The following R3HDM1 variants were observed in gnomAD, a reference collection of about 807,000 sequenced individuals.
The protein encoded by R3HDM1 is R3H domain-containing protein 1.
In R3HDM1, 46 loss-of-function variants were observed where a neutral mutation model predicts 141.1. The observed-to-expected ratio is 0.33, with a 90% CI of 0.26 to 0.42. R3HDM1 has a LOEUF of 0.42. Among genes scored for constraint, R3HDM1 ranks in the 10% least tolerant of loss-of-function variants. The pLI, the probability that R3HDM1 is intolerant of heterozygous loss-of-function variation, is 1.00. For missense variants in R3HDM1, 1,184 were observed against 1,368.3 expected (o/e 0.87, Z 2.12); for synonymous variants, 435 against 472.9 (o/e 0.92, Z 1.04).
chr2:135,680,585 C>T (rs919323327), intron 21 of R3HDM1, among the ~76,000 whole-genome samples: 3 of 152,236 alleles, frequency 2.0e-5, no homozygotes, highest in African/African-American at 7.2e-5. Context: ...GCCTGGCCAA[C>T]ATGGTGAAAC....
At chr2:135,652,358 T>C (rs2065240219) in intron 18 of R3HDM1, among the ~76,000 whole-genome samples, 1 of 152,224 alleles carries the variant, frequency 6.6e-6, no homozygotes. Flanking sequence ...CTGGGCACAG[T>C]GGCTCACGCC....
At chr2:135,656,138 C>G (rs369610329) in intron 18 of R3HDM1, among the ~76,000 whole-genome samples, 3 of 139,548 alleles carry the variant, frequency 2.1e-5, no homozygotes, top group East Asian at 4.1e-4. Flanking sequence ...TATATTGACT[C>G]ATACATACAT....
chr2:135,722,573 C>A lies in R3HDM1; in HGVS notation c.3049+20C>A, dbSNP rs1449846727. On this transcript the variant is annotated intron_variant, in intron 26 of 26. Transcript: ENST00000683871. The stretch of plus-strand genomic sequence containing the variant: ...AAACAGGTATGTCTCTGAGGGGCAA[C>A]TAGATGTGGGTCTGCAAACTGGTGA... 2 of 1,605,760 alleles carry A rather than the reference C, an allele frequency of 1.2e-6. No individual in the cohort carries two copies. Among genetic ancestry groups the A allele is most frequent in the African/African-American group, 1.3e-5 (1 of 74,606 alleles).
At chr2:135,603,299 A>G (rs1043214979) in intron 2 of R3HDM1, among the ~76,000 whole-genome samples, 10 of 152,130 alleles carry the variant, frequency 6.6e-5, no homozygotes, top group Non-Finnish European at 1.5e-4. Flanking sequence ...CCTAAAATCC[A>G]TTTAGATTGC....
intron 21 of R3HDM1, among the ~76,000 whole-genome samples, chr2:135,687,672 A>T (rs143687276): frequency 6.6e-6 from 1 of 152,158 alleles, no homozygotes. Flanking sequence ...TAAGATGTGA[A>T]TTTTTTTAGT....
Position 135,652,062 on chromosome 2 carries a change from G to T in R3HDM1, c.2028+30G>T, listed in dbSNP as rs773790337. The T allele has an allele frequency of 3.3e-6, 5 of 1,522,182 alleles. No homozygotes were observed. The South Asian group carries it at 6.7e-5, about 20-fold the overall frequency. The allele number at this position is 1,522,182 out of a possible 1,614,324, so 94.3% of individuals were successfully genotyped here. ...ATTGCTTTTTAACCTTTTCTTTCTT[G>T]TGGAAACCTCTCACTTAAGATCAGT... On this transcript the variant is annotated intron_variant, in intron 18 of 26. Transcript: ENST00000683871.
At chr2:135,633,771 T>G (rs1026198767) in intron 9 of R3HDM1, 1 of 152,162 alleles carries the variant, frequency 6.6e-6, no homozygotes, top group African/African-American at 2.4e-5. Context: ...GGTGTCTCAA[T>G]GGAGCGGGAA....
rs1416322470 is a variant in R3HDM1 at position 135,719,020 on chromosome 2, C to T, written c.2882-2904C>T. On this transcript the variant is annotated intron_variant, in intron 24 of 26. Coordinates refer to ENST00000683871, the MANE Select transcript of R3HDM1 (RefSeq NM_001378107.1). The stretch of plus-strand genomic sequence containing the variant: ...AAAATTAGCCGGGCATGGTGGCGCA[C>T]GCCTGTAATCTCAGCTACTCAGGAG... Among the ~76,000 whole-genome samples, 8 of 152,080 alleles carry T rather than the reference C, an allele frequency of 5.3e-5. No homozygotes were observed. In the South Asian group the frequency reaches 6.2e-4, roughly 12 times the overall value.
chr2:135,565,898 A>G (rs1207200438), intron 1 of R3HDM1: 2 of 152,304 alleles, frequency 1.3e-5, no homozygotes, highest in African/African-American at 4.8e-5. Context: ...AGCCTACGCT[A>G]TTTATTGGTG....
chr2:135,620,402 T>C, intron 5 of R3HDM1: 1 of 840,890 alleles, frequency 1.2e-6, no homozygotes, highest in Non-Finnish European at 1.4e-6. Flanking sequence ...GGTTGATGAG[T>C]GTAAGGAAGT....
intron 11 of R3HDM1, among the ~76,000 whole-genome samples, chr2:135,638,078 A>G (rs536839111): frequency 6.6e-6 from 1 of 152,352 alleles, no homozygotes; most frequent in African/African-American, 2.4e-5. Context: ...GTTATGATCA[A>G]ATTGACATCT....
chr2:135,684,666 C>T (rs1034969399), intron 21 of R3HDM1, among the ~76,000 whole-genome samples: 12 of 152,272 alleles, frequency 7.9e-5, no homozygotes, highest in African/African-American at 2.9e-4. Context: ...ACATTGGCCT[C>T]CTGGCTACAC....
At chr2:135,648,325 G>C (rs1303532362) in intron 16 of R3HDM1, among the ~76,000 whole-genome samples, 2 of 151,972 alleles carry the variant, frequency 1.3e-5, no homozygotes, top group Admixed American at 6.6e-5. Context: ...TGATTTTGTG[G>C]TAAAAGTGCA....
intron 1 of R3HDM1, chr2:135,583,899 G>A (rs1345351647): frequency 1.0e-6 from 1 of 985,260 alleles, no homozygotes; most frequent in African/African-American, 1.7e-5. Context: ...TCATTCAGAT[G>A]GGTATTATCT....
At chr2:135,710,283 A>G (rs1201209643) in intron 23 of R3HDM1, 52 bp downstream of exon 23, 2 of 1,545,084 alleles carry the variant, frequency 1.3e-6, no homozygotes, top group Admixed American at 1.8e-5. Context: ...TTTGTTACCT[A>G]AGATTGACTT....
intron 9 of R3HDM1, among the ~76,000 whole-genome samples, chr2:135,633,319 C>T (rs1372831304): frequency 1.3e-5 from 2 of 152,138 alleles, no homozygotes; most frequent in African/African-American, 4.8e-5. Flanking sequence ...ACCAGTACCT[C>T]TCAACATTAC....
rs1250590831 is a variant in R3HDM1 at position 135,635,976 on chromosome 2, G to A, written c.785G>A (p.Ser262Asn). 1 of 1,612,184 alleles carries A rather than the reference G, an allele frequency of 6.2e-7. No individual in the cohort carries two copies. The highest frequency in any genetic ancestry group is 8.5e-7 in the Non-Finnish European group (1 of 1,179,266). Residue 262 changes from serine to asparagine, a missense_variant, in exon 10 of 27, where the codon AGC becomes AAC. Physicochemically the swap from Ser to Asn is conservative, Grantham distance 46 (BLOSUM62 1). Around this residue, in one of 5 missense-constraint regions of R3HDM1, gnomAD observed 240 missense variants for 312.3 expected, o/e 0.77. Transcript: ENST00000683871. ...TATATCCTCAAGAGAGATAACTCTA[G>A]CTTTGACAAAGATGATAACCAGGTA... ...KRYILKRDNS[S>N]FDKDDNQMRI...
intron 5 of R3HDM1, among the ~76,000 whole-genome samples, chr2:135,617,880 CA>C: frequency 6.6e-6 from 1 of 152,256 alleles, no homozygotes; most frequent in East Asian, 1.9e-4. Flanking sequence ...ATGACATGTA[CA>C]TCTTTTTTAT....
chr2:135,691,139 T>C (rs940898527), intron 21 of R3HDM1, among the ~76,000 whole-genome samples: 1 of 152,204 alleles, frequency 6.6e-6, no homozygotes, highest in African/African-American at 2.4e-5. Flanking sequence ...TTTGAAAATA[T>C]TTGAAATTTC....
Sources: allele counts gnomAD v4.1 joint callset (sites outside exome capture counted in the v4.1 genomes callset), GRCh38; gene constraint gnomAD v4.1.1; regional missense constraint gnomAD v4.1.1; transcripts MANE v1.5; gene names NCBI Gene and HGNC (gene_info 2026-07-23, HGNC 2026-07-21).